The following DNAH5 variants were observed in gnomAD, a reference collection of about 807,000 sequenced individuals.
DNAH5 encodes the protein axonemal beta dynein heavy chain 5.
Under a neutral mutation model 518.2 loss-of-function variants are expected in DNAH5, and 372 were observed. That is an observed-to-expected ratio of 0.72 (90% CI 0.66 to 0.78). The LOEUF is 0.78. Among genes scored for constraint, DNAH5 ranks in the 30% least tolerant of loss-of-function variants. DNAH5 has a pLI of 0.00. For synonymous variants in DNAH5, 2,039 were observed against 2,025.9 expected, an observed-to-expected ratio of 1.01 and a Z score of -0.17; for missense variants, 5,523 against 5,687.0, an observed-to-expected ratio of 0.97 and a Z score of 0.93.
intron 58 of DNAH5, among the ~76,000 whole-genome samples, chr5:13,767,213 C>G (rs967235164): frequency 5.3e-5 from 8 of 152,214 alleles, no homozygotes; most frequent in African/African-American, 1.4e-4. Context: ...CAACCTCCCC[C>G]TCCCAGGTTC....
At chr5:13,703,667 G>T (rs1742418001) in intron 76 of DNAH5, among the ~76,000 whole-genome samples, 1 of 152,126 alleles carries the variant, frequency 6.6e-6, no homozygotes, top group Non-Finnish European at 1.5e-5. Context: ...GTTGGGAGGT[G>T]CCTTTTTTCC....
chr5:13,894,875 T>C (rs1034702032), intron 15 of DNAH5, 54 bp from the exon 16 acceptor site: 5 of 1,579,384 alleles, frequency 3.2e-6, no homozygotes, highest in Non-Finnish European at 4.3e-6. Flanking sequence ...CTAATGTCTG[T>C]TAATATCTCA....
At chr5:13,770,135 G>A (rs1753133898) in intron 56 of DNAH5, among the ~76,000 whole-genome samples, 1 of 152,162 alleles carries the variant, frequency 6.6e-6, no homozygotes, top group South Asian at 2.1e-4. Flanking sequence ...GTCATTTCGT[G>A]TAACTGCCCA....
chr5:13,810,374 A>G (rs1349734948), intron 44 of DNAH5, 114 bp from the exon 45 acceptor site: 16 of 889,968 alleles, frequency 1.8e-5, no homozygotes, highest in Non-Finnish European at 2.7e-5. Flanking sequence ...CCCTCCAAGA[A>G]CAAGGGAAAG....
At chr5:13,793,770 T>A (rs765363266) in intron 48 of DNAH5, 42 bp from the exon 49 acceptor site, 6 of 1,597,904 alleles carry the variant, frequency 3.8e-6, no homozygotes, top group Non-Finnish European at 5.1e-6. Flanking sequence ...CATTCCTTTC[T>A]ATCCCCGGAG....
intron 1 of DNAH5, among the ~76,000 whole-genome samples, chr5:14,003,911 C>T (rs1363997065): frequency 1.3e-5 from 2 of 152,192 alleles, no homozygotes; most frequent in Non-Finnish European, 2.9e-5. Flanking sequence ...GGATCAGCCC[C>T]AGCTATTCCA....
At chr5:13,907,676 C>A (rs540233143) in intron 12 of DNAH5, among the ~76,000 whole-genome samples, 1 of 152,102 alleles carries the variant, frequency 6.6e-6, no homozygotes, top group African/African-American at 2.4e-5. Flanking sequence ...ACCCTCCCCC[C>A]AAAAAAATTG....
intron 51 of DNAH5, among the ~76,000 whole-genome samples, chr5:13,787,848 A>G (rs935088209): frequency 3.9e-5 from 6 of 152,180 alleles, no homozygotes; most frequent in Non-Finnish European, 8.8e-5. Flanking sequence ...GAAACTTTTG[A>G]TAGTTCACAT....
At position 13,780,917 on chromosome 5, in the gene DNAH5, C is replaced by G. The variant is rs759756803; in HGVS notation, c.8863G>C (p.Val2955Leu). ...IRTPQGNALL[V>L]GVGGSGKQSL... ...TGCTTTCCTGATCCGCCCACCCCGA[C>G]CAGGAGGGCATTTCCCTGAGGAGTA... Residue 2955 changes from valine (V) to leucine (L), a missense_variant, in exon 53 of 79, where the codon GTC (valine) becomes CTC (leucine). Val to Leu is a conservative substitution (Grantham distance 32, BLOSUM62 1). Around this residue, in one of 3 missense-constraint regions of DNAH5, gnomAD observed 5,121 missense variants for 5,223.3 expected, o/e 0.98. Transcript: ENST00000265104. 6.8e-6 allele frequency: 11 copies of G among 1,613,596 alleles called. No homozygotes were observed. The highest frequency in any genetic ancestry group is 2.7e-5 in the African/African-American group (2 of 74,874).
rs374718437 is a variant in DNAH5 at position 13,708,118 on chromosome 5, C to T, written c.13338+5G>A. On this transcript the variant is annotated splice_donor_5th_base_variant and intron_variant, in intron 76 of 78. Transcript: ENST00000265104. ...CAGGCAGAATAACAGCAGGCTTATA[C>T]GTACTTTTTTCCACCAAGCAGGGAT... The T allele has an allele frequency of 1.2e-5, 19 of 1,613,716 alleles. No homozygotes were observed. The highest frequency in any genetic ancestry group is 3.3e-5 in the Admixed American group (2 of 60,006).
Position 13,766,101 on chromosome 5 carries a change from C to A in DNAH5, c.9976G>T (p.Val3326Leu), listed in dbSNP as rs149452082. The change falls in exon 59 of 79, where the codon GTA becomes TTA. Residue 3326 changes from valine to leucine, a missense_variant. Around this residue, in one of 3 missense-constraint regions of DNAH5, gnomAD observed 5,121 missense variants for 5,223.3 expected, o/e 0.98. Coordinates refer to ENST00000265104, the MANE Select transcript of DNAH5 (RefSeq NM_001369.3). ...ACTTTCCTTTGAAACAGCAGCAGTA[C>A]GCAATCCATGATCCGCATGATGAGG... Reference protein sequence around the residue: ...PHLIMRIMDCVLLLFQRKVSA... With the variant: ...PHLIMRIMDCLLLLFQRKVSA... The A allele has an allele frequency of 2.9e-5, 47 of 1,614,050 alleles. No individual in the cohort carries two copies. Among genetic ancestry groups the A allele is most frequent in the Admixed American group, 3.3e-5 (2 of 60,000 alleles).
At chr5:13,949,728 T>G (rs1780230131) in intron 1 of DNAH5, among the ~76,000 whole-genome samples, 1 of 152,154 alleles carries the variant, frequency 6.6e-6, no homozygotes, top group African/African-American at 2.4e-5. Flanking sequence ...ATGTAGAAAG[T>G]GTAAGAATTA....
intron 1 of DNAH5, among the ~76,000 whole-genome samples, chr5:14,004,212 TG>T (rs961674553): frequency 1.3e-5 from 2 of 152,208 alleles, no homozygotes; most frequent in African/African-American, 4.8e-5. Context: ...AGAGTCCCCC[TG>T]GCCCAGCTGT....
intron 12 of DNAH5, among the ~76,000 whole-genome samples, chr5:13,905,785 G>T (rs996130638): frequency 1.3e-5 from 2 of 152,130 alleles, no homozygotes; most frequent in Non-Finnish European, 1.5e-5. Flanking sequence ...CTCAATCAAA[G>T]AAGTTAAAAA....
intron 52 of DNAH5, among the ~76,000 whole-genome samples, chr5:13,782,264 T>A (rs1335361218): frequency 6.6e-6 from 1 of 152,200 alleles, no homozygotes; most frequent in East Asian, 1.9e-4. Context: ...CAAGTTTTTG[T>A]TAAACATCCT....
At chr5:13,899,777 A>G (rs1561532527) in intron 15 of DNAH5, 1 of 199,224 alleles carries the variant, frequency 5.0e-6, no homozygotes. Context: ...CTGTTGACAT[A>G]ACTCTAAATT....
At chr5:13,878,134 C>T (rs1313243480) in intron 21 of DNAH5, among the ~76,000 whole-genome samples, 1 of 152,134 alleles carries the variant, frequency 6.6e-6, no homozygotes, top group Non-Finnish European at 1.5e-5. Flanking sequence ...AGGAGCAGTG[C>T]AGAGAAGGGG....
chr5:13,917,162 G>C lies in DNAH5; in HGVS notation c.1070C>G (p.Pro357Arg), dbSNP rs1473637528. 1.9e-6 allele frequency: 3 copies of C among 1,613,482 alleles called. No individual in the cohort carries two copies. Among genetic ancestry groups the C allele is most frequent in the Non-Finnish European group, 2.5e-6 (3 of 1,179,598 alleles). Residue 357 changes from proline to arginine, a missense_variant, in exon 8 of 79, where the codon CCT (proline) becomes CGT (arginine). Pro to Arg is a moderately radical substitution (Grantham distance 103). Around this residue, in one of 3 missense-constraint regions of DNAH5, gnomAD observed 5,121 missense variants for 5,223.3 expected, o/e 0.98. Transcript: ENST00000265104. ...YLYTLEKCCD[P>R]LYSSDPLSMM... ...ACTCACGGGATCACTGCTGTACAAA[G>C]GGTCACAACATTTTTCAAGTGTATA...
rs1158869274 is a variant in DNAH5, at chr5:13,691,038, T to TAG, written c.*945_*946insCT. On this transcript the variant is annotated 3_prime_UTR_variant, in exon 79 of 79. Coordinates refer to ENST00000265104, the MANE Select transcript of DNAH5 (RefSeq NM_001369.3). ...TTAACAGTCTGGGTCTACCATTTCATATTATGGAATCTTCAAAATTGTTTT... is the reference window on the plus strand; with the variant it reads ...TTAACAGTCTGGGTCTACCATTTCATAGATTATGGAATCTTCAAAATTGTTTT... 8 of 152,234 alleles carry TAG rather than the reference T, an allele frequency of 5.3e-5. No individual in the cohort carries two copies. Among genetic ancestry groups the TAG allele is most frequent in the Non-Finnish European group, 1.0e-4 (7 of 68,030 alleles). The allele number at this position is 152,234 out of a possible 1,614,324, so 9.4% of individuals were successfully genotyped here. A position where few individuals can be genotyped will look rare whatever the true frequency, so the allele number is the denominator to read the frequency against.
Sources: allele counts gnomAD v4.1 joint callset (sites outside exome capture counted in the v4.1 genomes callset), GRCh38; gene constraint gnomAD v4.1.1; regional missense constraint gnomAD v4.1.1; transcripts MANE v1.5; gene names NCBI Gene and HGNC (gene_info 2026-07-23, HGNC 2026-07-21).